Variants in QRFPR observed in about 807,000 individuals in gnomAD.
QRFPR encodes the protein pyroglutamylated RFamide peptide receptor.
QRFPR carries 37 observed loss-of-function variants against 31.3 expected under a neutral mutation model. That is an observed-to-expected ratio of 1.18 (90% CI 0.91 to 1.56). The LOEUF is 1.56. QRFPR is among the 40% of genes most tolerant of loss of function. The pLI is 0.00. For missense variants in QRFPR, 542 were observed against 532.5 expected (o/e 1.02, Z -0.18); for synonymous variants, 197 against 192.0 (o/e 1.03, Z -0.22).
chr4:121,331,175 GTTTTTTTT>G (rs397995185), intron 4 of QRFPR, among the ~76,000 whole-genome samples: 2 of 69,038 alleles, frequency 2.9e-5, no homozygotes, highest in Admixed American at 2.1e-4. Context: ...TATATCTTGG[GTTTTTTTT>G]TTTTTTTTTT....
chr4:121,371,592 G>A (rs1435657586), intron 1 of QRFPR, among the ~76,000 whole-genome samples: 3 of 152,224 alleles, frequency 2.0e-5, no homozygotes, highest in African/African-American at 2.4e-5. Flanking sequence ...AGACAAGGAA[G>A]AGCCACTCAG....
intron 1 of QRFPR, among the ~76,000 whole-genome samples, chr4:121,371,238 A>G (rs758912504): frequency 6.6e-6 from 1 of 152,234 alleles, no homozygotes; most frequent in Admixed American, 6.5e-5. Flanking sequence ...TACAGGTAGG[A>G]CTAATTTAGT....
Position 121,333,012 on chromosome 4 carries a change from T to C in QRFPR, c.606A>G (p.Leu202=), listed in dbSNP as rs1725362073. 2 of 1,613,684 alleles carry C rather than the reference T, an allele frequency of 1.2e-6. No homozygotes were observed. Among genetic ancestry groups the C allele is most frequent in the Non-Finnish European group, 8.5e-7 (1 of 1,179,746 alleles). The stretch of plus-strand genomic sequence containing the variant: ...GGTGCACAGGGCTGGTCCACTCTTC[T>C]AAGCAGCAGATGTGTTCCTTTTCAT... ...FLYEKEHICC[L]EEWTSPVHQK... Residue 202 remains leucine (L), a synonymous_variant, in exon 4 of 6, where the codon TTA becomes TTG. Coordinates refer to ENST00000394427, the MANE Select transcript of QRFPR (RefSeq NM_198179.3).
At chr4:121,342,456 A>G (rs1375244037) in intron 1 of QRFPR, among the ~76,000 whole-genome samples, 3 of 152,028 alleles carry the variant, frequency 2.0e-5, no homozygotes, top group Non-Finnish European at 4.4e-5. Flanking sequence ...AACCCTGACT[A>G]ATGCAGTCAC....
intron 1 of QRFPR, among the ~76,000 whole-genome samples, chr4:121,370,610 TGA>T (rs1257796428): frequency 6.6e-6 from 1 of 152,162 alleles, no homozygotes; most frequent in Non-Finnish European, 1.5e-5. Flanking sequence ...CAAGCCATGG[TGA>T]GAGTGGCAGT....
chr4:121,334,264 A>G (rs1725392098), intron 3 of QRFPR, among the ~76,000 whole-genome samples: 2 of 152,288 alleles, frequency 1.3e-5, no homozygotes, highest in Non-Finnish European at 2.9e-5. Context: ...ACTTCAGCAA[A>G]GACTTCCTGA....
chr4:121,365,595 TATATATAATATATA>T (rs1726106705), intron 1 of QRFPR, among the ~76,000 whole-genome samples: 1 of 4,632 alleles, frequency 2.2e-4, no homozygotes, highest in African/African-American at 8.1e-4. Context: ...ATATATTATA[TATATATAATATATA>T]TATTATATAT....
chr4:121,331,255 G>A (rs915129791), intron 4 of QRFPR, among the ~76,000 whole-genome samples: 1 of 140,510 alleles, frequency 7.1e-6, no homozygotes, highest in Non-Finnish European at 1.5e-5. Context: ...TGCAATCATG[G>A]CTCACTGAAG....
At chr4:121,365,488 A>ATATAT in intron 1 of QRFPR, among the ~76,000 whole-genome samples, 1 of 36,504 alleles carries the variant, frequency 2.7e-5, no homozygotes, top group Non-Finnish European at 5.0e-5. Context: ...TAATTAATTA[A>ATATAT]ATTATATATA....
intron 1 of QRFPR, among the ~76,000 whole-genome samples, chr4:121,356,945 A>G (rs769036547): frequency 1.3e-5 from 2 of 152,058 alleles, no homozygotes; most frequent in Non-Finnish European, 2.9e-5. Context: ...TTTCTTGAAG[A>G]ATATGCCCAC....
intron 1 of QRFPR, among the ~76,000 whole-genome samples, chr4:121,373,875 C>T (rs551770686): frequency 6.6e-6 from 1 of 152,328 alleles, no homozygotes; most frequent in African/African-American, 2.4e-5. Context: ...TCTCTCCCTC[C>T]TTTCCTTCCA....
intron 1 of QRFPR, chr4:121,370,231 C>T (rs915613438): frequency 2.6e-6 from 2 of 778,348 alleles, no homozygotes; most frequent in East Asian, 2.4e-5. Flanking sequence ...GGTGCAGGGT[C>T]CTTGAGGGTA....
chr4:121,380,711 G>A lies in QRFPR; in HGVS notation c.-64C>T. 7.1e-7 allele frequency: 1 copy of A among 1,412,762 alleles called. No individual in the cohort carries two copies. Among genetic ancestry groups the A allele is most frequent in the Middle Eastern group, 2.6e-4 (1 of 3,878 alleles). 87.5% of individuals were successfully genotyped at this position (1,412,762 alleles called of 1,614,324 possible). A position where few individuals can be genotyped will look rare whatever the true frequency, so the allele number is the denominator to read the frequency against. On this transcript the variant is annotated 5_prime_UTR_variant, in exon 1 of 6. Coordinates refer to ENST00000394427, the MANE Select transcript of QRFPR (RefSeq NM_198179.3). The stretch of plus-strand genomic sequence containing the variant: ...CTGGCTGGCCATCCGCATCTGCGGG[G>A]CAGCGAGGGCTTCGGGGGACCAGCC...
chr4:121,353,291 AT>A lies in QRFPR; in HGVS notation c.341-12682del, dbSNP rs577013722. Reference sequence around the variant, plus strand: ...ATTGTCAGTTTTGTGAAGAACCTCCATACTGTTTTCCATAGTAGCTATATTA... The same window carrying A: ...ATTGTCAGTTTTGTGAAGAACCTCCAACTGTTTTCCATAGTAGCTATATTA... On this transcript the variant is annotated intron_variant, in intron 1 of 5. Coordinates refer to ENST00000394427, the MANE Select transcript of QRFPR (RefSeq NM_198179.3). 2.3e-3 allele frequency among the ~76,000 whole-genome samples: 354 copies of A among 152,210 alleles called. 2 individuals carry two copies. Among genetic ancestry groups the A allele is most frequent in the African/African-American group, 8.1e-3 (335 of 41,560 alleles).
intron 1 of QRFPR, among the ~76,000 whole-genome samples, chr4:121,348,132 A>G (rs1725692771): frequency 6.6e-6 from 1 of 152,158 alleles, no homozygotes; most frequent in African/African-American, 2.4e-5. Flanking sequence ...CTGAGTTTGA[A>G]TCATGGGTCC....
At chr4:121,330,725 C>T (rs1267177564) in intron 4 of QRFPR, among the ~76,000 whole-genome samples, 1 of 152,134 alleles carries the variant, frequency 6.6e-6, no homozygotes, top group East Asian at 1.9e-4. Context: ...AATGTCTGCT[C>T]ATTATGGATC....
In QRFPR at chr4:121,338,559, C is replaced by T. The variant is rs149863667; in HGVS notation, c.500-1691G>A. Among the ~76,000 whole-genome samples the T allele has an allele frequency of 3.1e-3, 472 of 152,292 alleles. 7 individuals are homozygous for T. Among genetic ancestry groups the T allele is most frequent in the Admixed American group, 0.022 (343 of 15,294 alleles). On this transcript the variant is annotated intron_variant, in intron 2 of 5. Coordinates refer to ENST00000394427, the MANE Select transcript of QRFPR (RefSeq NM_198179.3). Reference sequence around the variant, plus strand: ...ATCGTTAGTGTTAGTGTATTTTATGCGTAGCCCAAGGCAATTCTTCTTCTT... The same window carrying T: ...ATCGTTAGTGTTAGTGTATTTTATGTGTAGCCCAAGGCAATTCTTCTTCTT...
intron 1 of QRFPR, among the ~76,000 whole-genome samples, chr4:121,349,593 C>T (rs2110473932): frequency 6.6e-6 from 1 of 152,132 alleles, no homozygotes; most frequent in Non-Finnish European, 1.5e-5. Context: ...CAGACACATA[C>T]CCCCCATTTA....
intron 1 of QRFPR, among the ~76,000 whole-genome samples, chr4:121,373,075 G>T (rs1323482726): frequency 1.3e-5 from 2 of 151,902 alleles, no homozygotes; most frequent in African/African-American, 4.8e-5. Context: ...TTTTCTTAAG[G>T]TAATTTAAGT....
Sources: gnomAD v4.1 joint callset for allele counts (sites outside exome capture counted in the v4.1 genomes callset) on GRCh38, gnomAD v4.1.1 for gene constraint, MANE v1.5 for transcripts, NCBI Gene and HGNC (gene_info 2026-07-23, HGNC 2026-07-21) for gene names.